CSNK1G1: variants seen among roughly 807,000 people sequenced by gnomAD.
CSNK1G1 encodes the protein casein kinase I isoform gamma-1.
A neutral mutation model predicts 59.6 loss-of-function variants in CSNK1G1; 22 were observed. That is an observed-to-expected ratio of 0.37 (90% CI 0.26 to 0.53). CSNK1G1 has a LOEUF of 0.53. Ranked by LOEUF, CSNK1G1 falls within the 20% of genes least tolerant of loss-of-function variation. CSNK1G1 has a pLI of 0.89. For missense variants in CSNK1G1, 384 were observed against 519.5 expected (o/e 0.74, Z 2.54); for synonymous variants, 179 against 177.1 (o/e 1.01, Z -0.08).
intron 10 of CSNK1G1, among the ~76,000 whole-genome samples, chr15:64,201,519 C>G (rs1330451571): frequency 6.6e-6 from 1 of 152,038 alleles, no homozygotes; most frequent in Non-Finnish European, 1.5e-5. Context: ...GACTATGGAC[C>G]CAATTAGTGC....
chr15:64,299,607 T>TA (rs1895216700), intron 2 of CSNK1G1, among the ~76,000 whole-genome samples: 1 of 150,568 alleles, frequency 6.6e-6, no homozygotes, highest in African/African-American at 2.4e-5. Flanking sequence ...AAAAAAAATT[T>TA]TATATATATA....
intron 4 of CSNK1G1, among the ~76,000 whole-genome samples, chr15:64,224,129 A>G (rs2082425878): frequency 6.6e-6 from 1 of 152,232 alleles, no homozygotes; most frequent in African/African-American, 2.4e-5. Flanking sequence ...TATGAAGGAC[A>G]ACAACCTTGG....
rs1222090314 is a variant in CSNK1G1 at position 64,332,134 on chromosome 15, G to C, written c.-225+23854C>G. Among the ~76,000 whole-genome samples the C allele has an allele frequency of 2.5e-5, 3 of 118,880 alleles. 1 individual carries two copies. Among genetic ancestry groups the C allele is most frequent in the African/African-American group, 9.6e-5 (3 of 31,318 alleles). The allele number at this position is 118,880 out of a possible 152,430, so 78.0% of individuals were successfully genotyped here. A position where few individuals can be genotyped will look rare whatever the true frequency, so the allele number is the denominator to read the frequency against. On this transcript the variant is annotated intron_variant, in intron 1 of 11. Transcript: ENST00000303052. ...AGTGTGGCGATTCCTCAGGGATCTAGAACTAGAAATACCATTTGACCCAGC... is the reference window on the plus strand; with the variant it reads ...AGTGTGGCGATTCCTCAGGGATCTACAACTAGAAATACCATTTGACCCAGC...
intron 4 of CSNK1G1, among the ~76,000 whole-genome samples, chr15:64,225,464 A>T (rs2082447436): frequency 6.6e-6 from 1 of 152,082 alleles, no homozygotes; most frequent in Admixed American, 6.5e-5. Context: ...TCATCTGCAT[A>T]TATGCCATAG....
At chr15:64,327,416 T>C (rs1896908523) in intron 1 of CSNK1G1, among the ~76,000 whole-genome samples, 1 of 151,008 alleles carries the variant, frequency 6.6e-6, no homozygotes, top group Admixed American at 6.6e-5. Context: ...AGGGGCACAC[T>C]GACACCTCAC....
intron 4 of CSNK1G1, among the ~76,000 whole-genome samples, chr15:64,238,878 G>A (rs1026975002): frequency 1.3e-5 from 2 of 152,010 alleles, no homozygotes; most frequent in African/African-American, 4.8e-5. Flanking sequence ...ACGGCTGCTT[G>A]TAGGCTATGT....
intron 2 of CSNK1G1, among the ~76,000 whole-genome samples, chr15:64,285,040 C>T (rs1894335242): frequency 6.6e-6 from 1 of 151,926 alleles, no homozygotes; most frequent in Non-Finnish European, 1.5e-5. Context: ...TCTGTGCAAT[C>T]TATACAAAAT....
At chr15:64,219,777 C>CTT (rs750402203) in intron 4 of CSNK1G1, among the ~76,000 whole-genome samples, 6,019 of 136,256 alleles carry the variant, frequency 0.044, 467 homozygotes, top group African/African-American at 0.15. Flanking sequence ...CTTTTCTTTT[C>CTT]TTTTTTTTTT....
At chr15:64,269,834 C>T (rs758257398) in intron 2 of CSNK1G1, among the ~76,000 whole-genome samples, 14 of 147,084 alleles carry the variant, frequency 9.5e-5, no homozygotes, top group African/African-American at 1.8e-4. Flanking sequence ...CATGGAGTCT[C>T]ACTCTGCCAC....
chr15:64,232,874 T>C (rs926306903), intron 4 of CSNK1G1, among the ~76,000 whole-genome samples: 4 of 152,078 alleles, frequency 2.6e-5, no homozygotes, highest in South Asian at 4.1e-4. Flanking sequence ...AAATATGACA[T>C]AGAATTAAAG....
At position 64,308,285 on chromosome 15, in the gene CSNK1G1, G is replaced by A. The variant is rs375355187; in HGVS notation, c.-224-7562C>T. 8.6e-5 allele frequency among the ~76,000 whole-genome samples: 13 copies of A among 151,746 alleles called. No individual in the cohort carries two copies. In the East Asian group the frequency reaches 2.3e-3, roughly 27 times the overall value. On this transcript the variant is annotated intron_variant, in intron 1 of 11. Coordinates refer to ENST00000303052, the MANE Select transcript of CSNK1G1 (RefSeq NM_022048.5). ...TTTGTTTATTATATTTTTTTGTAGA[G>A]ACGAGGTCTCACTATATTGCCCAGG...
At chr15:64,291,936 C>T (rs768296264) in intron 2 of CSNK1G1, among the ~76,000 whole-genome samples, 4 of 152,128 alleles carry the variant, frequency 2.6e-5, no homozygotes, top group African/African-American at 4.8e-5. Context: ...CAGTGGCTCA[C>T]GCCTGTAATC....
chr15:64,170,288 G>C lies in CSNK1G1; in HGVS notation c.*1643C>G, dbSNP rs889449798. On this transcript the variant is annotated 3_prime_UTR_variant, in exon 12 of 12. Coordinates refer to ENST00000303052, the MANE Select transcript of CSNK1G1 (RefSeq NM_022048.5). ...TAGTACCTCATATGAAAACACCATG[G>C]GGGGAGGCCTAGGGCATACTGGGAA... The C allele has an allele frequency of 6.6e-6, 1 of 152,218 alleles. No homozygotes were observed. The highest frequency in any genetic ancestry group is 2.4e-5 in the African/African-American group (1 of 41,432). 9.4% of individuals were successfully genotyped at this position (152,218 alleles called of 1,614,324 possible).
In CSNK1G1 at chr15:64,301,241, C is replaced by T. The variant is rs141031810; in HGVS notation, c.-224-518G>A. On this transcript the variant is annotated intron_variant, in intron 1 of 11. Coordinates refer to ENST00000303052, the MANE Select transcript of CSNK1G1 (RefSeq NM_022048.5). ...CCTCTATGAAGGAACTTCCAAAACT[C>T]TATTGGTATTAAGTAGTCCTAAAGT... is the stretch of plus-strand genomic sequence containing the variant. Among the ~76,000 whole-genome samples the T allele has an allele frequency of 7.0e-3, 1,067 of 152,134 alleles. 14 individuals are homozygous for T. The highest frequency in any genetic ancestry group is 0.021 in the African/African-American group (862 of 41,486).
chr15:64,300,595 G>A lies in CSNK1G1; in HGVS notation c.-96C>T, dbSNP rs1349505493. On this transcript the variant is annotated 5_prime_UTR_variant, in exon 2 of 12. Transcript: ENST00000303052. ...AGTATGTCCAAATAAATTGTAGTCAGAGAAAGGTAAGGAGTTCTTTTAGCA... is the reference window on the plus strand; with the variant it reads ...AGTATGTCCAAATAAATTGTAGTCAAAGAAAGGTAAGGAGTTCTTTTAGCA... 4 of 1,461,022 alleles carry A rather than the reference G, an allele frequency of 2.7e-6. No homozygotes were observed. Among genetic ancestry groups the A allele is most frequent in the East Asian group, 2.4e-5 (1 of 42,316 alleles). 90.5% of individuals were successfully genotyped at this position (1,461,022 alleles called of 1,614,324 possible).
At chr15:64,192,824 C>T (rs139820174) in intron 10 of CSNK1G1, among the ~76,000 whole-genome samples, 319 of 102,536 alleles carry the variant, frequency 3.1e-3, no homozygotes, top group African/African-American at 0.012. Context: ...CCCTGAGTGA[C>T]AGAGTGAGAT....
At chr15:64,203,057 G>C (rs769102862) in intron 10 of CSNK1G1, 25 bp downstream of exon 10, 44 of 1,549,852 alleles carry the variant, frequency 2.8e-5, no homozygotes, top group Non-Finnish European at 3.7e-5. Flanking sequence ...GGTAGTGTCT[G>C]AAAGAATGGA....
intron 10 of CSNK1G1, among the ~76,000 whole-genome samples, chr15:64,199,727 C>A (rs1389806730): frequency 6.6e-6 from 1 of 152,114 alleles, no homozygotes; most frequent in Admixed American, 6.5e-5. Flanking sequence ...GTGGCGTGCG[C>A]CTGCAGTCCC....
intron 2 of CSNK1G1, among the ~76,000 whole-genome samples, chr15:64,292,026 G>A (rs989113793): frequency 2.6e-5 from 4 of 151,750 alleles, no homozygotes; most frequent in Non-Finnish European, 5.9e-5. Flanking sequence ...GTGAAACCTC[G>A]TCTCTACTAA....
Sources: allele counts gnomAD v4.1 joint callset (sites outside exome capture counted in the v4.1 genomes callset), GRCh38; gene constraint gnomAD v4.1.1; transcripts MANE v1.5; gene names NCBI Gene and HGNC (gene_info 2026-07-23, HGNC 2026-07-21).